FRY: variants seen among roughly 807,000 people sequenced by gnomAD.
FRY encodes FRY microtubule binding protein.
In FRY, 128 loss-of-function variants were observed where a neutral mutation model predicts 348.4. The observed-to-expected ratio is 0.37, with a 90% CI of 0.32 to 0.43. The LOEUF is 0.43. FRY is among the 20% of genes least tolerant of loss of function. The pLI is 1.00. For missense variants in FRY, 2,736 were observed against 3,695.2 expected (o/e 0.74, Z 6.73); for synonymous variants, 1,370 against 1,374.7 (o/e 1.00, Z 0.08).
In FRY at chr13:32,234,743, A is replaced by G; in HGVS notation, c.5697A>G (p.Glu1899=). 1.2e-6 allele frequency: 2 copies of G among 1,614,128 alleles called. No individual in the cohort carries two copies. The highest frequency in any genetic ancestry group is 1.7e-6 in the Non-Finnish European group (2 of 1,179,956). ...LLSRLVEVIG[E]HGDEIQGYVM... ...CAAGATTGGTGGAGGTGATAGGAGAACATGGAGATGAGATTCAGGTATGGA... is the reference window on the plus strand; with the variant it reads ...CAAGATTGGTGGAGGTGATAGGAGAGCATGGAGATGAGATTCAGGTATGGA... The change falls in exon 42 of 61, where the codon GAA becomes GAG. Residue 1899 remains glutamate (E), a synonymous_variant. Coordinates refer to ENST00000542859, the MANE Select transcript of FRY (RefSeq NM_023037.3).
At chr13:32,261,869 A>G in intron 52 of FRY, 53 bp downstream of exon 52, 1 of 1,503,544 alleles carries the variant, frequency 6.7e-7, no homozygotes, top group Admixed American at 1.7e-5. Context: ...TTTTGTAACT[A>G]ATGCAGGAGG....
At chr13:32,249,009 C>G (rs1246763785) in intron 48 of FRY, among the ~76,000 whole-genome samples, 1 of 152,198 alleles carries the variant, frequency 6.6e-6, no homozygotes, top group Non-Finnish European at 1.5e-5. Flanking sequence ...TATGCAGCCA[C>G]CACACTCTGG....
At chr13:32,141,546 T>C (rs1880072105) in intron 11 of FRY, among the ~76,000 whole-genome samples, 1 of 152,236 alleles carries the variant, frequency 6.6e-6, no homozygotes, top group Admixed American at 6.5e-5. Flanking sequence ...AAGCCTGTTA[T>C]AAATGCAACT....
chr13:32,032,055 C>A (rs1872269654), intron 1 of FRY, among the ~76,000 whole-genome samples, 190 bp downstream of exon 1: 1 of 136,524 alleles, frequency 7.3e-6, no homozygotes, highest in African/African-American at 3.3e-5. Flanking sequence ...TTTTTTGCTC[C>A]CATCTGCTGT....
chr13:32,238,112 TTTA>T, intron 44 of FRY, 126 bp downstream of exon 44: 2 of 1,024,408 alleles, frequency 2.0e-6, no homozygotes, highest in Non-Finnish European at 3.0e-6. Flanking sequence ...TTGGGAGTAG[TTTA>T]TTTTTTCTCA....
intron 58 of FRY, among the ~76,000 whole-genome samples, chr13:32,288,121 A>G (rs9595267): frequency 0.04 from 6,068 of 152,310 alleles, 291 homozygotes; most frequent in African/African-American, 0.12. Flanking sequence ...TTTGTGTAAT[A>G]ATTACCATGA....
At chr13:32,045,910 C>T (rs1435742339) in intron 1 of FRY, among the ~76,000 whole-genome samples, 1 of 152,156 alleles carries the variant, frequency 6.6e-6, no homozygotes, top group Non-Finnish European at 1.5e-5. Flanking sequence ...AAAGTTAAGA[C>T]CAAAAGCTAA....
intron 14 of FRY, among the ~76,000 whole-genome samples, chr13:32,151,553 G>A (rs1352246156): frequency 6.6e-6 from 1 of 152,186 alleles, no homozygotes; most frequent in East Asian, 1.9e-4. Context: ...ATAATATTTT[G>A]GAAGTAGCTT....
intron 2 of FRY, among the ~76,000 whole-genome samples, chr13:32,101,037 C>G (rs1233759425): frequency 6.6e-6 from 1 of 152,184 alleles, no homozygotes; most frequent in Non-Finnish European, 1.5e-5. Flanking sequence ...AGTCACCATG[C>G]TATACAGTAG....
chr13:32,238,018 T>C (rs1351288577), intron 44 of FRY, 32 bp downstream of exon 44: 2 of 1,608,280 alleles, frequency 1.2e-6, no homozygotes, highest in African/African-American at 2.7e-5. Flanking sequence ...CTGTCTCAAT[T>C]CTGATGGTGA....
rs1415633639 is a variant in FRY at position 32,247,478 on chromosome 13, G to A, written c.6984G>A (p.Leu2328=). The change falls in exon 48 of 61, where the codon CTG becomes CTA. Residue 2328 remains leucine, a synonymous_variant. Coordinates refer to ENST00000542859, the MANE Select transcript of FRY (RefSeq NM_023037.3). The stretch of plus-strand genomic sequence containing the variant: ...CCAAGGAATTACCTGGGAAAACCCT[G>A]GACTTCCACTTCGATATTTCGGAGG... The part of the protein sequence containing the change: ...SASKELPGKT[L]DFHFDISETP... 1 of 1,613,234 alleles carries A rather than the reference G, an allele frequency of 6.2e-7. No individual in the cohort carries two copies. Among genetic ancestry groups the A allele is most frequent in the South Asian group, 1.1e-5 (1 of 91,036 alleles).
intron 1 of FRY, among the ~76,000 whole-genome samples, chr13:32,032,556 G>A (rs9533201): frequency 6.6e-6 from 1 of 152,068 alleles, no homozygotes; most frequent in African/African-American, 2.4e-5. Context: ...TATTTATTAG[G>A]ATAGCAGAAT....
Position 32,249,674 on chromosome 13 carries a change from C to G in FRY, c.7157C>G (p.Pro2386Arg). ...CTTGTTCCAGTGAGCTGGAAAAGGC[C>G]CCAGTATTCTCAGGTATGCAATCCT... ...NVLVPVSWKR[P>R]QYSQKRTKEK... Residue 2386 changes from proline (P) to arginine (R), a missense_variant, in exon 49 of 61, where the codon CCC (proline) becomes CGC (arginine). Physicochemically the swap from Pro to Arg is moderately radical, Grantham distance 103. Transcript: ENST00000542859. The G allele has an allele frequency of 6.2e-7, 1 of 1,614,054 alleles. No individual in the cohort carries two copies. The highest frequency in any genetic ancestry group is 8.5e-7 in the Non-Finnish European group (1 of 1,179,968).
At chr13:32,134,003 T>C (rs1223235287) in intron 8 of FRY, among the ~76,000 whole-genome samples, 2 of 152,094 alleles carry the variant, frequency 1.3e-5, no homozygotes, top group East Asian at 3.9e-4. Context: ...TGGTCTGGAA[T>C]TCTGGGCTCA....
Position 32,124,184 on chromosome 13 carries a change from G to C in FRY, c.465-102G>C. On this transcript the variant is annotated intron_variant, in intron 4 of 60. Transcript: ENST00000542859. Reference sequence around the variant, plus strand: ...GTGCAATTATATAATTTTAAAAATGGGTTTTGCAGTCTATTAGGGAGGAGT... The same window carrying C: ...GTGCAATTATATAATTTTAAAAATGCGTTTTGCAGTCTATTAGGGAGGAGT... 6 of 734,768 alleles carry C rather than the reference G, an allele frequency of 8.2e-6. No homozygotes were observed. In the South Asian group the frequency reaches 9.5e-5, roughly 12 times the overall value. 45.5% of individuals were successfully genotyped at this position (734,768 alleles called of 1,614,324 possible).
At chr13:32,186,172 T>C in intron 26 of FRY, 88 bp from the exon 27 acceptor site, 2 of 1,018,394 alleles carry the variant, frequency 2.0e-6, no homozygotes, top group Admixed American at 3.6e-5. Context: ...AATGAAGTGG[T>C]TCCTTTCCTC....
chr13:32,169,152 G>C (rs1185093860), intron 17 of FRY, among the ~76,000 whole-genome samples: 1 of 152,118 alleles, frequency 6.6e-6, no homozygotes, highest in Non-Finnish European at 1.5e-5. Flanking sequence ...GTCTGCCCTT[G>C]CCCCACCACA....
At chr13:32,107,962 G>T (rs76240563) in intron 3 of FRY, among the ~76,000 whole-genome samples, 1 of 152,176 alleles carries the variant, frequency 6.6e-6, no homozygotes, top group Admixed American at 6.5e-5. Context: ...AGGGCTTAGC[G>T]AGTAAAAGGA....
At chr13:32,230,317 G>A (rs902602709) in intron 40 of FRY, among the ~76,000 whole-genome samples, 8 of 152,146 alleles carry the variant, frequency 5.3e-5, no homozygotes, top group African/African-American at 1.7e-4. Flanking sequence ...GAGAACATGC[G>A]GTATTTGGTT....
Sources: allele counts gnomAD v4.1 joint callset (sites outside exome capture counted in the v4.1 genomes callset), GRCh38; gene constraint gnomAD v4.1.1; transcripts MANE v1.5; gene names NCBI Gene and HGNC (gene_info 2026-07-23, HGNC 2026-07-21).